CDHR3: variants seen among roughly 807,000 people sequenced by gnomAD.
CDHR3 encodes cadherin-related family member 3.
In CDHR3, 79 loss-of-function variants were observed where a neutral mutation model predicts 86.6. That is an observed-to-expected ratio of 0.91 (90% CI 0.76 to 1.10). The LOEUF (loss-of-function observed/expected upper bound fraction) is 1.10, where lower values mean the gene tolerates loss of function less well. CDHR3 is among the 50% of genes least tolerant of loss of function. CDHR3 has a pLI of 0.00. For missense variants in CDHR3, 1,081 were observed against 1,077.6 expected, an observed-to-expected ratio of 1.00 and a Z score of -0.04; for synonymous variants, 421 against 402.4, an observed-to-expected ratio of 1.05 and a Z score of -0.55.
At chr7:106,015,051 C>A (rs148088750) in intron 9 of CDHR3, 60 bp from the exon 10 acceptor site, 22 of 1,363,060 alleles carry the variant, frequency 1.6e-5, no homozygotes, top group Non-Finnish European at 2.2e-5. Context: ...AAATGTCTCT[C>A]GCAGCCCAAT....
In CDHR3 at chr7:106,009,047, G is replaced by A. The variant is rs147325540; in HGVS notation, c.1053-3813G>A. Among the ~76,000 whole-genome samples the A allele has an allele frequency of 1.9e-3, 283 of 152,300 alleles. 1 individual carries two copies. Among genetic ancestry groups the A allele is most frequent in the African/African-American group, 6.4e-3 (267 of 41,550 alleles). ...ATATTAGCTGGTGAAACTGCAATTCGAATATCCTAGACTGTCCAGGCAAGA... is the reference window on the plus strand; with the variant it reads ...ATATTAGCTGGTGAAACTGCAATTCAAATATCCTAGACTGTCCAGGCAAGA... On this transcript the variant is annotated intron_variant, in intron 8 of 18. Coordinates refer to ENST00000317716, the MANE Select transcript of CDHR3 (RefSeq NM_152750.5).
chr7:106,013,697 T>C (rs1173803446), intron 9 of CDHR3, among the ~76,000 whole-genome samples: 1 of 152,182 alleles, frequency 6.6e-6, no homozygotes, highest in African/African-American at 2.4e-5. Context: ...CACCCAGCTT[T>C]CTTCTCCACC....
rs576804335 is a variant in CDHR3 at position 106,034,495 on chromosome 7, G to C, written c.*1798G>C. ...TGCCAGTGTCACTTCTCAAGCAAAAGAAGCATTTGCAAAATGCCTGTCCTG... is the reference window on the plus strand; with the variant it reads ...TGCCAGTGTCACTTCTCAAGCAAAACAAGCATTTGCAAAATGCCTGTCCTG... On this transcript the variant is annotated 3_prime_UTR_variant, in exon 19 of 19. Transcript: ENST00000317716. Among the ~76,000 whole-genome samples the C allele has an allele frequency of 6.6e-6, 1 of 152,336 alleles. No homozygotes were observed. Among genetic ancestry groups the C allele is most frequent in the East Asian group, 1.9e-4 (1 of 5,180 alleles).
In CDHR3 at chr7:106,015,117, G is replaced by GGTGATCTAGACTACGAT; in HGVS notation, c.1247_1248insTGTGATCTAGACTACGA (p.Glu416AspfsTer4). ...TATCTCTGTTTTAATCTAGCTGATT[G>GGTGATCTAGACTACGAT]GTGATCTAGACTACGAAAATCCAAG... On this transcript the variant is annotated frameshift_variant, in exon 10 of 19. Transcript: ENST00000317716. LOFTEE classifies it high-confidence loss of function. 6.2e-7 allele frequency: 1 copy of GGTGATCTAGACTACGAT among 1,603,322 alleles called. No individual in the cohort carries two copies. The highest frequency in any genetic ancestry group is 8.5e-7 in the Non-Finnish European group (1 of 1,174,178).
At position 106,001,645 on chromosome 7, in the gene CDHR3, C is replaced by T. The variant is rs199948479; in HGVS notation, c.862+35C>T. On this transcript the variant is annotated intron_variant, in intron 7 of 18. Transcript: ENST00000317716. ...TCACTTCCATCCTTAAGTGCATCCTCTAATTCAGCCATGTGGATTGTCTTA... is the reference window on the plus strand; with the variant it reads ...TCACTTCCATCCTTAAGTGCATCCTTTAATTCAGCCATGTGGATTGTCTTA... 2.2e-4 allele frequency: 353 copies of T among 1,610,652 alleles called. 2 individuals carry two copies. The highest frequency in any genetic ancestry group is 8.7e-4 in the African/African-American group (65 of 74,882).
At position 106,004,572 on chromosome 7, in the gene CDHR3, C is replaced by G; in HGVS notation, c.937C>G (p.Leu313Val). Residue 313 changes from leucine to valine, a missense_variant, in exon 8 of 19, where the codon CTG (leucine) becomes GTG (valine). Physicochemically the swap from Leu to Val is conservative, Grantham distance 32. Coordinates refer to ENST00000317716, the MANE Select transcript of CDHR3 (RefSeq NM_152750.5). ...ATTGAGACAAAATCCCACCATTTCC[C>G]TGGAAGTTCTAGTGAAGGACAGACC... ...GELRQNPTIS[L>V]EVLVKDRPYG... The G allele has an allele frequency of 1.9e-6, 3 of 1,614,024 alleles. No homozygotes were observed. Among genetic ancestry groups the G allele is most frequent in the African/African-American group, 1.3e-5 (1 of 75,052 alleles).
chr7:105,966,544 A>G (rs979249218), intron 1 of CDHR3, among the ~76,000 whole-genome samples: 5 of 152,200 alleles, frequency 3.3e-5, no homozygotes, highest in Admixed American at 2.6e-4. Context: ...TAATGCTCTC[A>G]TCATATGAAA....
chr7:105,995,082 C>T (rs1831983054), intron 5 of CDHR3, among the ~76,000 whole-genome samples: 1 of 152,166 alleles, frequency 6.6e-6, no homozygotes, highest in South Asian at 2.1e-4. Context: ...AGAGGGTGCC[C>T]AAGTACAAGA....
chr7:106,022,502 G>A, intron 14 of CDHR3, 54 bp downstream of exon 14: 1 of 1,582,894 alleles, frequency 6.3e-7, no homozygotes, highest in Non-Finnish European at 8.6e-7. Flanking sequence ...GAGTTATGTT[G>A]ATGGACTTCT....
Position 106,016,033 on chromosome 7 carries a change from A to G in CDHR3, c.1426+8A>G. The G allele has an allele frequency of 6.4e-7, 1 of 1,573,366 alleles. No homozygotes were observed. Among genetic ancestry groups the G allele is most frequent in the Non-Finnish European group, 8.7e-7 (1 of 1,147,548 alleles). On this transcript the variant is annotated splice_region_variant and intron_variant, in intron 11 of 18. Coordinates refer to ENST00000317716, the MANE Select transcript of CDHR3 (RefSeq NM_152750.5). ...TGTCAGAAAGAAGGCCCGGTAAGTA[A>G]CAGATAAGACACAGACCAGAGTGCT...
Position 106,036,192 on chromosome 7 carries a change from G to A in CDHR3, c.*3495G>A, listed in dbSNP as rs1048255721. On this transcript the variant is annotated 3_prime_UTR_variant, in exon 19 of 19. Coordinates refer to ENST00000317716, the MANE Select transcript of CDHR3 (RefSeq NM_152750.5). ...GAAACTCAGCCTGTGTAGCAAGCAC[G>A]GGTGGCTCACAAGCAGAACTGGGAA... 2.6e-5 allele frequency: 4 copies of A among 152,124 alleles called. No homozygotes were observed. The highest frequency in any genetic ancestry group is 5.9e-5 in the Non-Finnish European group (4 of 68,026). 9.4% of individuals were successfully genotyped at this position (152,124 alleles called of 1,614,324 possible). A position where few individuals can be genotyped will look rare whatever the true frequency, so the allele number is the denominator to read the frequency against.
intron 1 of CDHR3, among the ~76,000 whole-genome samples, chr7:105,969,012 C>T (rs1381071114): frequency 3.3e-5 from 5 of 151,408 alleles, no homozygotes; most frequent in Non-Finnish European, 7.4e-5. Flanking sequence ...GGCATGTACC[C>T]GGGAGGCGGA....
chr7:106,031,564 TGCC>T lies in CDHR3; in HGVS notation c.2353+733_2353+735del, dbSNP rs879869896. Among the ~76,000 whole-genome samples the T allele has an allele frequency of 2.0e-5, 3 of 152,238 alleles. No individual in the cohort carries two copies. The South Asian group carries it at 6.2e-4, about 32-fold the overall frequency. On this transcript the variant is annotated intron_variant, in intron 18 of 18. Coordinates refer to ENST00000317716, the MANE Select transcript of CDHR3 (RefSeq NM_152750.5). ...GGATGGCTCCTCTCCAGTGAGAGGC[TGCC>T]GCCGCCGCTGCTGCTGCTGCTGGAA...
chr7:106,001,201 G>A (rs1402592624), intron 6 of CDHR3, among the ~76,000 whole-genome samples: 1 of 152,186 alleles, frequency 6.6e-6, no homozygotes, highest in Non-Finnish European at 1.5e-5. Context: ...TCAGGCAGAG[G>A]TGCATAGAGT....
At chr7:106,031,207 C>T (rs1002749173) in intron 18 of CDHR3, among the ~76,000 whole-genome samples, 8 of 152,168 alleles carry the variant, frequency 5.3e-5, no homozygotes, top group Non-Finnish European at 1.0e-4. Flanking sequence ...ATTGCCCCCC[C>T]CAGCCCATCC....
At position 106,030,823 on chromosome 7, in the gene CDHR3, G is replaced by C; in HGVS notation, c.2336G>C (p.Gly779Ala). 4 of 1,611,170 alleles carry C rather than the reference G, an allele frequency of 2.5e-6. No homozygotes were observed. The highest frequency in any genetic ancestry group is 3.4e-6 in the Non-Finnish European group (4 of 1,178,804). ...ETIQMNTIFD[G>A]EAIDPVTGET... ...ATCCAGATGAACACTATCTTTGATGGAGAAGCCATAGATCCAGGTAATTAA... is the reference window on the plus strand; with the variant it reads ...ATCCAGATGAACACTATCTTTGATGCAGAAGCCATAGATCCAGGTAATTAA... The change falls in exon 18 of 19, where the codon GGA (glycine) becomes GCA (alanine). Residue 779 changes from glycine to alanine, a missense_variant. Coordinates refer to ENST00000317716, the MANE Select transcript of CDHR3 (RefSeq NM_152750.5). This position sits in a 1 kb window ranked among gnomAD's most constrained non-coding sequence, Gnocchi z 4.8.
At chr7:106,000,688 T>A (rs1833005355) in intron 6 of CDHR3, among the ~76,000 whole-genome samples, 1 of 152,110 alleles carries the variant, frequency 6.6e-6, no homozygotes, top group African/African-American at 2.4e-5. Context: ...ACTCCCAACC[T>A]ATCAGTCTCA....
intron 16 of CDHR3, 150 bp from the exon 17 acceptor site, chr7:106,028,401 A>C (rs1002638790): frequency 1.2e-6 from 1 of 854,742 alleles, no homozygotes; most frequent in Non-Finnish European, 1.9e-6. Flanking sequence ...AAAGTTGTCA[A>C]GAAACATATC....
chr7:106,028,851 G>C (rs938350925), intron 17 of CDHR3, among the ~76,000 whole-genome samples: 4 of 152,216 alleles, frequency 2.6e-5, no homozygotes, highest in Admixed American at 1.3e-4. Context: ...CTCTCCACGA[G>C]AGTGAGTTGA....
Sources: allele counts gnomAD v4.1 joint callset (sites outside exome capture counted in the v4.1 genomes callset), GRCh38; gene constraint gnomAD v4.1.1; non-coding constraint Gnocchi (gnomAD v3.1); transcripts MANE v1.5; gene names NCBI Gene and HGNC (gene_info 2026-07-23, HGNC 2026-07-21).